Variants in ATXN7 observed in about 807,000 individuals in gnomAD.
ATXN7 encodes ataxin-7.
Under a neutral mutation model 70.5 loss-of-function variants are expected in ATXN7, and 12 were observed. The observed-to-expected ratio is 0.17, with a 90% CI of 0.11 to 0.28. The LOEUF (loss-of-function observed/expected upper bound fraction) is 0.28, where lower values mean the gene tolerates loss of function less well. Ranked by LOEUF, ATXN7 falls within the 10% of genes least tolerant of loss-of-function variation. The probability of loss-of-function intolerance (pLI) is 1.00; values close to 1 mark genes in which losing one functional copy is unlikely to be tolerated. For missense variants in ATXN7, 1,256 were observed against 1,131.7 expected, an observed-to-expected ratio of 1.11 and a Z score of -1.58; for synonymous variants, 498 against 448.7, an observed-to-expected ratio of 1.11 and a Z score of -1.39.
At position 63,888,174 on chromosome 3, in the gene ATXN7, G is replaced by T. The variant is rs557175587; in HGVS notation, c.-110-10225G>T. On this transcript the variant is annotated intron_variant, in intron 1 of 12. Transcript: ENST00000674280. Reference sequence around the variant, plus strand: ...GATAAGAGATTTTTACAGAGGCTTGGATATTATTTAATAATATGAATTGAA... The same window carrying T: ...GATAAGAGATTTTTACAGAGGCTTGTATATTATTTAATAATATGAATTGAA... Among the ~76,000 whole-genome samples, 60 of 152,194 alleles carry T rather than the reference G, an allele frequency of 3.9e-4. No homozygotes were observed. In the South Asian group the frequency reaches 0.012, roughly 30 times the overall value.
intron 4 of ATXN7, among the ~76,000 whole-genome samples, chr3:63,914,441 T>C (rs1430254614): frequency 6.6e-6 from 1 of 152,036 alleles, no homozygotes; most frequent in East Asian, 1.9e-4. Context: ...TATTTGAGGG[T>C]AAAGGAAAGC....
At position 63,913,165 on chromosome 3, in the gene ATXN7, T is replaced by C. The variant is rs1704126030; in HGVS notation, c.334T>C (p.Leu112=). 2 of 1,613,464 alleles carry C rather than the reference T, an allele frequency of 1.2e-6. No homozygotes were observed. Among genetic ancestry groups the C allele is most frequent in the Middle Eastern group, 1.6e-4 (1 of 6,062 alleles). The change falls in exon 4 of 13, where the codon TTG becomes CTG. Residue 112 remains leucine (L), a synonymous_variant. Transcript: ENST00000674280. ...GTGTGTATATCTCCTAGGGACAGAA[T>C]TGGACGAAAGTTTCAAGGAGTTTGG... is the stretch of plus-strand genomic sequence containing the variant. The part of the protein sequence containing the change: ...SKLPGKDGTE[L]DESFKEFGKN...
At chr3:63,932,042 C>A (rs991921089) in intron 4 of ATXN7, among the ~76,000 whole-genome samples, 1 of 152,142 alleles carries the variant, frequency 6.6e-6, no homozygotes, top group Non-Finnish European at 1.5e-5. Context: ...TACCTTCCAA[C>A]AGATTTTCAA....
Position 63,912,748 on chromosome 3 carries a change from C to G in ATXN7, c.150C>G (p.His50Gln), listed in dbSNP as rs1175541548. The change falls in exon 3 of 13, where the codon CAC (histidine) becomes CAG (glutamine). Residue 50 changes from histidine (H) to glutamine (Q), a missense_variant. Physicochemically the swap from His to Gln is conservative, Grantham distance 24 (BLOSUM62 0). Transcript: ENST00000674280. ...CTCCGCAGCCCCAGCGGCAGCAGCACCCGCCACCGCCGCCACGGCGCACAC... is the reference window on the plus strand; with the variant it reads ...CTCCGCAGCCCCAGCGGCAGCAGCAGCCGCCACCGCCGCCACGGCGCACAC... Reference protein sequence around the residue: ...PPPPQPQRQQHPPPPPRRTRP... With the variant: ...PPPPQPQRQQQPPPPPRRTRP... The G allele has an allele frequency of 3.8e-6, 5 of 1,303,588 alleles. No homozygotes were observed. The highest frequency in any genetic ancestry group is 4.9e-6 in the Non-Finnish European group (5 of 1,025,070). 80.8% of individuals were successfully genotyped at this position (1,303,588 alleles called of 1,614,324 possible).
rs527832303 is a variant in ATXN7, at chr3:63,974,899, T to A, written c.500-5016T>A. 1.5e-3 allele frequency among the ~76,000 whole-genome samples: 234 copies of A among 152,302 alleles called. 2 individuals are homozygous for A. The highest frequency in any genetic ancestry group is 3.5e-3 in the Admixed American group (54 of 15,296). On this transcript the variant is annotated intron_variant, in intron 5 of 12. Transcript: ENST00000674280. ...ATGGTGGAAGGAGGTTATCTGAAAT[T>A]GAATGAAAAATTGTAGCATCAGATG...
At chr3:63,985,477 G>A (rs2075561216) in intron 8 of ATXN7, among the ~76,000 whole-genome samples, 1 of 152,194 alleles carries the variant, frequency 6.6e-6, no homozygotes, top group Non-Finnish European at 1.5e-5. Context: ...TGTTTTGTCA[G>A]TTCTTTTCCT....
At chr3:63,863,687 C>T (rs902646748), upstream of ATXN7, 11 of 1,238,230 alleles carry the variant, frequency 8.9e-6, no homozygotes, top group African/African-American at 1.1e-4. Flanking sequence ...GAGGGGTTCC[C>T]GGAAGCGGGC....
chr3:63,949,126 T>C lies in ATXN7; in HGVS notation c.395-3253T>C, dbSNP rs190735748. Among the ~76,000 whole-genome samples the C allele has an allele frequency of 9.9e-5, 15 of 152,280 alleles. No individual in the cohort carries two copies. In the East Asian group the frequency reaches 2.7e-3, roughly 27 times the overall value. On this transcript the variant is annotated intron_variant, in intron 4 of 12. Transcript: ENST00000674280. ...GATTGTGAATTTATGCTTTAAAATA[T>C]TTAGGAACATACATACTGTCTCTCA... is the stretch of plus-strand genomic sequence containing the variant.
chr3:63,979,866 G>C (rs374658073), intron 5 of ATXN7, 49 bp from the exon 6 acceptor site: 1 of 1,603,678 alleles, frequency 6.2e-7, no homozygotes, highest in South Asian at 1.1e-5. Flanking sequence ...AATTACATTT[G>C]AGATTCGCCT....
chr3:63,988,440 A>T, intron 9 of ATXN7, 116 bp downstream of exon 9: 1 of 1,358,272 alleles, frequency 7.4e-7, no homozygotes, highest in Non-Finnish European at 1.0e-6. Context: ...CTGTGGAGAT[A>T]GTTTTTTAAG....
chr3:63,952,864 T>TTTTTTTTTG, intron 5 of ATXN7, among the ~76,000 whole-genome samples: 1 of 137,208 alleles, frequency 7.3e-6, no homozygotes, highest in Non-Finnish European at 1.5e-5. Flanking sequence ...TTTTTTTTTT[T>TTTTTTTTTG]TTAAGGAAAT....
intron 4 of ATXN7, among the ~76,000 whole-genome samples, chr3:63,948,436 T>C (rs139467967): frequency 5.6e-4 from 86 of 152,222 alleles, no homozygotes; most frequent in African/African-American, 2.0e-3. Flanking sequence ...GTAGGCAGTC[T>C]GGTACGTGAA....
At chr3:63,889,197 AGGGAAAATTACCCT>A (rs1703183268) in intron 1 of ATXN7, among the ~76,000 whole-genome samples, 1 of 152,204 alleles carries the variant, frequency 6.6e-6, no homozygotes. Flanking sequence ...TTGATGTTAA[AGGGAAAATTACCCT>A]GGGAAAAGTC....
intron 2 of ATXN7, 66 bp from the exon 3 acceptor site, chr3:63,912,522 C>G (rs1199595262): frequency 9.7e-7 from 1 of 1,029,354 alleles, no homozygotes; most frequent in Non-Finnish European, 1.2e-6. Context: ...CGCCGGAACT[C>G]CCTGGCGCCT....
intron 5 of ATXN7, chr3:63,967,971 A>T (rs771034471): frequency 4.8e-5 from 74 of 1,535,254 alleles, no homozygotes; most frequent in Non-Finnish European, 5.9e-5. Context: ...TGAAAGCTCC[A>T]CTGGGTAAGT....
chr3:63,966,559 C>T (rs1236270423), intron 5 of ATXN7, among the ~76,000 whole-genome samples: 1 of 152,048 alleles, frequency 6.6e-6, no homozygotes, highest in African/African-American at 2.4e-5. Context: ...ATGAACGTTA[C>T]TGTAAGGAAT....
At chr3:63,971,199 C>A (rs948591123) in intron 5 of ATXN7, among the ~76,000 whole-genome samples, 1 of 152,136 alleles carries the variant, frequency 6.6e-6, no homozygotes, top group Non-Finnish European at 1.5e-5. Context: ...TTTTCCAGTG[C>A]CATTTGTAAC....
In ATXN7 at chr3:63,912,757, G is replaced by C. The variant is rs1055385554; in HGVS notation, c.159G>C (p.Pro53=). 5 of 1,320,208 alleles carry C rather than the reference G, an allele frequency of 3.8e-6. No individual in the cohort carries two copies. The African/African-American group carries it at 7.7e-5, about 20-fold the overall frequency. The allele number at this position is 1,320,208 out of a possible 1,614,324, so 81.8% of individuals were successfully genotyped here. A position where few individuals can be genotyped will look rare whatever the true frequency, so the allele number is the denominator to read the frequency against. The change falls in exon 3 of 13, where the codon CCG becomes CCC. Residue 53 remains proline, a synonymous_variant. Coordinates refer to ENST00000674280, the MANE Select transcript of ATXN7 (RefSeq NM_001377405.1). ...CCCAGCGGCAGCAGCACCCGCCACCGCCGCCACGGCGCACACGGCCGGAGG... is the reference window on the plus strand; with the variant it reads ...CCCAGCGGCAGCAGCACCCGCCACCCCCGCCACGGCGCACACGGCCGGAGG... ...PQPQRQQHPP[P]PPRRTRPEDG...
At chr3:63,940,296 C>G (rs1478354083) in intron 4 of ATXN7, among the ~76,000 whole-genome samples, 1 of 150,158 alleles carries the variant, frequency 6.7e-6, no homozygotes, top group Non-Finnish European at 1.5e-5. Flanking sequence ...CACACACACA[C>G]ACACACACAC....
Sources: allele counts gnomAD v4.1 joint callset (sites outside exome capture counted in the v4.1 genomes callset), GRCh38; gene constraint gnomAD v4.1.1; transcripts MANE v1.5; gene names NCBI Gene and HGNC (gene_info 2026-07-23, HGNC 2026-07-21).